Variants in SLC5A1 observed in about 807,000 individuals in gnomAD.
SLC5A1 encodes the protein sodium/glucose cotransporter 1.
A neutral mutation model predicts 73.5 loss-of-function variants in SLC5A1; 42 were observed. The ratio of observed to expected loss-of-function variants is 0.57; its 90% CI spans 0.45 to 0.74. The LOEUF (loss-of-function observed/expected upper bound fraction) is 0.74. Among genes scored for constraint, SLC5A1 ranks in the 30% least tolerant of loss-of-function variants. The probability of loss-of-function intolerance (pLI) is 0.00; values close to 1 mark genes in which losing one functional copy is unlikely to be tolerated. For synonymous variants in SLC5A1, 300 were observed against 317.4 expected, an observed-to-expected ratio of 0.95 and a Z score of 0.58; for missense variants, 634 against 855.4, an observed-to-expected ratio of 0.74 and a Z score of 3.23.
intron 11 of SLC5A1, among the ~76,000 whole-genome samples, chr22:32,097,703 T>C (rs920601903): frequency 6.6e-6 from 1 of 152,368 alleles, no homozygotes; most frequent in Middle Eastern, 3.4e-3. Context: ...TTTTTACTAT[T>C]TATTAAGTGC....
intron 7 of SLC5A1, among the ~76,000 whole-genome samples, chr22:32,083,489 C>T (rs940980282): frequency 1.3e-5 from 2 of 152,180 alleles, no homozygotes; most frequent in African/African-American, 4.8e-5. Flanking sequence ...GCTAAATATC[C>T]ATCAAGCTAA....
chr22:32,104,377 A>G (rs972894792), intron 13 of SLC5A1, among the ~76,000 whole-genome samples: 1 of 152,210 alleles, frequency 6.6e-6, no homozygotes, highest in African/African-American at 2.4e-5. Context: ...TCATGATTCT[A>G]GCTTCTTATC....
rs901344170 is a variant in SLC5A1, at chr22:32,049,115, C to G, written c.136-828C>G. Among the ~76,000 whole-genome samples, 569 of 140,150 alleles carry G rather than the reference C, an allele frequency of 4.1e-3. 9 individuals carry two copies. Among genetic ancestry groups the G allele is most frequent in the Non-Finnish European group, 6.8e-3 (442 of 65,190 alleles). 91.9% of individuals were successfully genotyped at this position (140,150 alleles called of 152,430 possible). A position where few individuals can be genotyped will look rare whatever the true frequency, so the allele number is the denominator to read the frequency against. ...AAATATATATATATATATATATAAT[C>G]ATTATATATATATAATCATTATATA... On this transcript the variant is annotated intron_variant, in intron 1 of 14. Coordinates refer to ENST00000266088, the MANE Select transcript of SLC5A1 (RefSeq NM_000343.4).
chr22:32,043,361 C>T lies in SLC5A1; in HGVS notation c.80C>T (p.Ala27Val). ...VETHELIRNA[A>V]DISIIVIYFV... ...ACCCACGAGCTCATTCGCAATGCAG[C>T]CGATATCTCCATCATCGTTATCTAC... The change falls in exon 1 of 15, where the codon GCC (alanine) becomes GTC (valine). Residue 27 changes from alanine to valine, a missense_variant. Transcript: ENST00000266088. This position sits in a 1 kb window ranked among gnomAD's most constrained non-coding sequence, Gnocchi z 6.5. The T allele has an allele frequency of 6.2e-7, 1 of 1,614,166 alleles. No homozygotes were observed. Among genetic ancestry groups the T allele is most frequent in the South Asian group, 1.1e-5 (1 of 91,068 alleles).
chr22:32,089,721 A>C (rs2094013854), intron 10 of SLC5A1, among the ~76,000 whole-genome samples: 1 of 152,180 alleles, frequency 6.6e-6, no homozygotes, highest in Non-Finnish European at 1.5e-5. Context: ...TCCTGTTGCT[A>C]TAGAGATGGG....
chr22:32,056,031 G>GT (rs1569300800), intron 2 of SLC5A1, among the ~76,000 whole-genome samples: 1 of 152,104 alleles, frequency 6.6e-6, no homozygotes, highest in East Asian at 1.9e-4. Context: ...TTTTGTTGTT[G>GT]TTGTTTGTTT....
intron 11 of SLC5A1, among the ~76,000 whole-genome samples, chr22:32,098,705 T>C (rs1382141838): frequency 6.6e-6 from 1 of 152,182 alleles, no homozygotes; most frequent in Non-Finnish European, 1.5e-5. Context: ...AATTATTTTT[T>C]CTTGCTGTGG....
chr22:32,084,869 C>T (rs200505483), intron 8 of SLC5A1, 31 bp from the exon 9 acceptor site: 59 of 1,613,294 alleles, frequency 3.7e-5, no homozygotes, highest in African/African-American at 9.3e-5. Context: ...CTCTGGTCTG[C>T]ACACCTCCCT....
chr22:32,043,526 G>T lies in SLC5A1; in HGVS notation c.135+110G>T. On this transcript the variant is annotated intron_variant, in intron 1 of 14. Transcript: ENST00000266088. This position sits in a 1 kb window ranked among gnomAD's most constrained non-coding sequence, Gnocchi z 6.5. Reference sequence around the variant, plus strand: ...GCTTAAGTGTCGGTGGAGGGGAGAGGAAATGACTTGGAAGCACTTTAGAAG... The same window carrying T: ...GCTTAAGTGTCGGTGGAGGGGAGAGTAAATGACTTGGAAGCACTTTAGAAG... The T allele has an allele frequency of 8.2e-7, 1 of 1,223,138 alleles. No individual in the cohort carries two copies. 75.8% of individuals were successfully genotyped at this position (1,223,138 alleles called of 1,614,324 possible).
chr22:32,110,028 A>G lies in SLC5A1; in HGVS notation c.1810A>G (p.Arg604Gly), dbSNP rs1173220454. 1 of 1,614,118 alleles carries G rather than the reference A, an allele frequency of 6.2e-7. No individual in the cohort carries two copies. The highest frequency in any genetic ancestry group is 8.5e-7 in the Non-Finnish European group (1 of 1,179,976). ...TGAGAAGAAAAAAGGAATCTTCAGG[A>G]GAGCCTATGACCTATTTTGTGGGCT... ...VPEKKKGIFR[R>G]AYDLFCGLEQ... The change falls in exon 15 of 15, where the codon AGA becomes GGA. Residue 604 changes from arginine to glycine, a missense_variant. This residue lies in a region of SLC5A1 where 161 missense variants were observed against 178.7 expected (regional missense o/e 0.90). Coordinates refer to ENST00000266088, the MANE Select transcript of SLC5A1 (RefSeq NM_000343.4).
chr22:32,080,460 T>TAA (rs548615202), intron 5 of SLC5A1, among the ~76,000 whole-genome samples: 15 of 152,146 alleles, frequency 9.9e-5, no homozygotes, highest in Admixed American at 9.8e-4. Context: ...GTGGGAAACT[T>TAA]AAACACTGGA....
chr22:32,110,174 G>C lies in SLC5A1; in HGVS notation c.1956G>C (p.Leu652=), dbSNP rs775076981. 2 of 1,613,998 alleles carry C rather than the reference G, an allele frequency of 1.2e-6. No homozygotes were observed. Residue 652 remains leucine (L), a synonymous_variant, in exon 15 of 15, where the codon CTG becomes CTC. Transcript: ENST00000266088. ...TGTTGAACGTCAATGGCATCATCCT[G>C]GTGACCGTGGCTGTCTTTTGCCATG... ...RTVLNVNGII[L]VTVAVFCHAY...
At position 32,086,204 on chromosome 22, in the gene SLC5A1, C is replaced by T. The variant is rs1252256981; in HGVS notation, c.1022-16C>T. 3 of 1,514,216 alleles carry T rather than the reference C, an allele frequency of 2.0e-6. No individual in the cohort carries two copies. Among genetic ancestry groups the T allele is most frequent in the Admixed American group, 1.7e-5 (1 of 59,882 alleles). The allele number at this position is 1,514,216 out of a possible 1,614,324, so 93.8% of individuals were successfully genotyped here. On this transcript the variant is annotated splice_polypyrimidine_tract_variant and intron_variant, in intron 9 of 14. Coordinates refer to ENST00000266088, the MANE Select transcript of SLC5A1 (RefSeq NM_000343.4). ...CCAATGTCTGCTTGCTGACGTGGCT[C>T]TCCATCTCTTCCCAGAAAAAATTGC...
chr22:32,076,353 G>A (rs2093990951), intron 5 of SLC5A1, among the ~76,000 whole-genome samples: 1 of 152,194 alleles, frequency 6.6e-6, no homozygotes, highest in Admixed American at 6.5e-5. Context: ...GCCTTATCAA[G>A]CTCTGAGAAG....
chr22:32,083,069 C>T lies in SLC5A1; in HGVS notation c.584-5C>T, dbSNP rs752055634. Reference sequence around the variant, plus strand: ...GTCAGATGTGTTGTCTTCTTGCCTGCTTAGGGGGCCTGGCGGCGGTGATTT... The same window carrying T: ...GTCAGATGTGTTGTCTTCTTGCCTGTTTAGGGGGCCTGGCGGCGGTGATTT... On this transcript the variant is annotated splice_polypyrimidine_tract_variant and splice_region_variant and intron_variant, in intron 6 of 14. Coordinates refer to ENST00000266088, the MANE Select transcript of SLC5A1 (RefSeq NM_000343.4). The T allele has an allele frequency of 1.9e-6, 3 of 1,614,034 alleles. No individual in the cohort carries two copies. The highest frequency in any genetic ancestry group is 2.2e-5 in the South Asian group (2 of 91,074).
chr22:32,044,617 C>T (rs1018351440), intron 1 of SLC5A1, among the ~76,000 whole-genome samples: 1 of 151,802 alleles, frequency 6.6e-6, no homozygotes, highest in African/African-American at 2.4e-5. Context: ...TCAATACTCT[C>T]AGCTTCCCAG....
chr22:32,045,439 T>C (rs1013056510), intron 1 of SLC5A1, among the ~76,000 whole-genome samples: 2 of 152,212 alleles, frequency 1.3e-5, no homozygotes, highest in Non-Finnish European at 2.9e-5. Flanking sequence ...TTTAATGCAT[T>C]GGATTTCTTC....
intron 11 of SLC5A1, among the ~76,000 whole-genome samples, chr22:32,091,996 CAT>C (rs879579955): frequency 3.9e-4 from 59 of 152,236 alleles, no homozygotes; most frequent in Admixed American, 1.4e-3. Context: ...TATTTGGTTA[CAT>C]GAGTAAGCTC....
Position 32,049,320 on chromosome 22 carries a change from G to A in SLC5A1, c.136-623G>A, listed in dbSNP as rs899460939. Among the ~76,000 whole-genome samples, 3 of 148,420 alleles carry A rather than the reference G, an allele frequency of 2.0e-5. No homozygotes were observed. In the East Asian group the frequency reaches 5.9e-4, roughly 29 times the overall value. On this transcript the variant is annotated intron_variant, in intron 1 of 14. Transcript: ENST00000266088. The stretch of plus-strand genomic sequence containing the variant: ...CTTTTATTTAATATTTAGTACAAAT[G>A]CCTTGCATTCTTAGAGCATTTTTTC...
Sources: gnomAD v4.1 joint callset for allele counts (sites outside exome capture counted in the v4.1 genomes callset) on GRCh38, gnomAD v4.1.1 for gene constraint, gnomAD v4.1.1 regional missense constraint, Gnocchi (gnomAD v3.1) non-coding constraint, MANE v1.5 for transcripts, NCBI Gene and HGNC (gene_info 2026-07-23, HGNC 2026-07-21) for gene names.